The following PAN3 variants were observed in gnomAD, a reference collection of about 807,000 sequenced individuals.
PAN3 encodes poly(A) specific ribonuclease subunit PAN3, also known as PAN2-PAN3 deadenylation complex subunit PAN3.
Under a neutral mutation model 96.2 loss-of-function variants are expected in PAN3, and 19 were observed. The ratio of observed to expected loss-of-function variants is 0.20; its 90% CI spans 0.14 to 0.29. The LOEUF is 0.29. Ranked by LOEUF, PAN3 falls within the 10% of genes least tolerant of loss-of-function variation. PAN3 has a pLI of 1.00. For missense variants in PAN3, 882 were observed against 1,108.1 expected, an observed-to-expected ratio of 0.80 and a Z score of 2.90; for synonymous variants, 433 against 406.6, an observed-to-expected ratio of 1.06 and a Z score of -0.78.
chr13:28,252,179 C>T (rs979500174), intron 6 of PAN3, among the ~76,000 whole-genome samples: 4 of 140,504 alleles, frequency 2.8e-5, no homozygotes, highest in South Asian at 2.3e-4. Flanking sequence ...TGAGCCACTG[C>T]GACGGGCCCT....
At chr13:28,152,142 C>G (rs1871444218) in intron 1 of PAN3, among the ~76,000 whole-genome samples, 1 of 152,132 alleles carries the variant, frequency 6.6e-6, no homozygotes, top group Non-Finnish European at 1.5e-5. Context: ...TATTTGCATA[C>G]ACTATCCCAT....
chr13:28,277,899 A>G (rs1392492353), intron 15 of PAN3, among the ~76,000 whole-genome samples: 1 of 152,208 alleles, frequency 6.6e-6, no homozygotes, highest in Non-Finnish European at 1.5e-5. Flanking sequence ...GGAGACCCCC[A>G]TGCTTACACT....
chr13:28,148,851 G>GTGTAATGGAA (rs1871011386), intron 1 of PAN3, among the ~76,000 whole-genome samples: 1 of 152,114 alleles, frequency 6.6e-6, no homozygotes, highest in Non-Finnish European at 1.5e-5. Flanking sequence ...TCTCGTGGCT[G>GTGTAATGGAA]TGTAAATATT....
At chr13:28,253,123 G>C (rs369905590) in intron 6 of PAN3, among the ~76,000 whole-genome samples, 2 of 152,146 alleles carry the variant, frequency 1.3e-5, no homozygotes, top group African/African-American at 4.8e-5. Context: ...CCCTTTTAGC[G>C]TAAGATTCCT....
At chr13:28,261,617 G>A (rs1030602151) in intron 9 of PAN3, among the ~76,000 whole-genome samples, 159 bp downstream of exon 9, 1 of 152,082 alleles carries the variant, frequency 6.6e-6, no homozygotes, top group Non-Finnish European at 1.5e-5. Flanking sequence ...AGGATTGCTT[G>A]AGCCCAGAAG....
At chr13:28,233,503 G>A (rs1298085596) in intron 6 of PAN3, among the ~76,000 whole-genome samples, 1 of 152,090 alleles carries the variant, frequency 6.6e-6, no homozygotes, top group African/African-American at 2.4e-5. Flanking sequence ...CTGACCCCAA[G>A]TGATCTGCCC....
intron 1 of PAN3, among the ~76,000 whole-genome samples, chr13:28,140,171 A>T (rs1461083925): frequency 6.6e-6 from 1 of 152,156 alleles, no homozygotes; most frequent in Non-Finnish European, 1.5e-5. Flanking sequence ...GCTGGTCTCA[A>T]ACTGCTGGCC....
intron 6 of PAN3, among the ~76,000 whole-genome samples, chr13:28,253,628 T>C (rs1884914232): frequency 6.6e-6 from 1 of 150,604 alleles, no homozygotes; most frequent in Admixed American, 6.6e-5. Flanking sequence ...AGAGACAGGG[T>C]CTCGCTATGT....
intron 1 of PAN3, among the ~76,000 whole-genome samples, chr13:28,145,976 C>T (rs1354333032): frequency 1.3e-5 from 2 of 151,916 alleles, no homozygotes; most frequent in Non-Finnish European, 2.9e-5. Flanking sequence ...CCATGTTGGC[C>T]AGGCTGGTCT....
chr13:28,209,809 C>A (rs1008577197), intron 5 of PAN3, among the ~76,000 whole-genome samples: 1 of 151,840 alleles, frequency 6.6e-6, no homozygotes, highest in African/African-American at 2.4e-5. Context: ...TCCCTTTTTC[C>A]TTTCTCCTTT....
Position 28,270,839 on chromosome 13 carries a change from C to T in PAN3, c.1931C>T (p.Thr644Ile). ...TTGGCATGTCGAGTTATGGATCCAA[C>T]AAAGATTCTGATAACTGGCAAAACA... ...AGLACRVMDP[T>I]KILITGKTRL... Residue 644 changes from threonine to isoleucine, a missense_variant, in exon 13 of 19, where the codon ACA becomes ATA. Physicochemically the swap from Thr to Ile is moderately conservative, Grantham distance 89. Coordinates refer to ENST00000380958, the MANE Select transcript of PAN3 (RefSeq NM_175854.8). 2 of 1,613,772 alleles carry T rather than the reference C, an allele frequency of 1.2e-6. No individual in the cohort carries two copies. The highest frequency in any genetic ancestry group is 2.2e-5 in the South Asian group (2 of 91,066).
intron 5 of PAN3, among the ~76,000 whole-genome samples, chr13:28,219,114 C>T (rs1881115006): frequency 2.6e-5 from 4 of 152,036 alleles, no homozygotes; most frequent in Admixed American, 1.3e-4. Context: ...CCACTGTTTT[C>T]GGGAATGTTA....
intron 4 of PAN3, among the ~76,000 whole-genome samples, chr13:28,188,338 A>C (rs1467967179): frequency 6.6e-6 from 1 of 152,176 alleles, no homozygotes; most frequent in African/African-American, 2.4e-5. Flanking sequence ...AATTATAAGA[A>C]TTAAATATCA....
intron 1 of PAN3, among the ~76,000 whole-genome samples, chr13:28,173,256 G>T (rs546956546): frequency 1.3e-5 from 2 of 152,088 alleles, no homozygotes; most frequent in African/African-American, 4.8e-5. Context: ...TATTAAAAGG[G>T]TTTGCATTCT....
chr13:28,194,323 C>T (rs896630567), intron 4 of PAN3, among the ~76,000 whole-genome samples: 1 of 151,166 alleles, frequency 6.6e-6, no homozygotes, highest in African/African-American at 2.4e-5. Context: ...ATTAAGTAAA[C>T]GTTCTTTGAT....
chr13:28,159,736 C>G (rs1220445804), intron 1 of PAN3, among the ~76,000 whole-genome samples: 1 of 152,036 alleles, frequency 6.6e-6, no homozygotes, highest in Non-Finnish European at 1.5e-5. Flanking sequence ...GTGTGAGTCA[C>G]CACACCTGGC....
At chr13:28,192,128 G>A (rs375135551) in intron 4 of PAN3, among the ~76,000 whole-genome samples, 1 of 149,102 alleles carries the variant, frequency 6.7e-6, no homozygotes, top group Non-Finnish European at 1.5e-5. Context: ...TCACTGCAGC[G>A]GCACCATCTC....
chr13:28,262,128 G>A (rs949660950), intron 9 of PAN3, among the ~76,000 whole-genome samples: 3 of 152,082 alleles, frequency 2.0e-5, no homozygotes, highest in African/African-American at 7.2e-5. Context: ...CAAACATCCT[G>A]TGACATATTA....
chr13:28,216,625 T>G (rs1307544998), intron 5 of PAN3, among the ~76,000 whole-genome samples: 1 of 152,180 alleles, frequency 6.6e-6, no homozygotes, highest in Non-Finnish European at 1.5e-5. Context: ...AGCTGTCCAA[T>G]AGTTTTATGA....
Sources: gnomAD v4.1 joint callset for allele counts (sites outside exome capture counted in the v4.1 genomes callset) on GRCh38, gnomAD v4.1.1 for gene constraint, MANE v1.5 for transcripts, NCBI Gene and HGNC (gene_info 2026-07-23, HGNC 2026-07-21) for gene names.